Variants in OPRK1 observed in about 807,000 individuals in gnomAD.
The protein encoded by OPRK1 is kappa-type opioid receptor.
Under a neutral mutation model 24.5 loss-of-function variants are expected in OPRK1, and 15 were observed. The ratio of observed to expected loss-of-function variants is 0.61; its 90% CI spans 0.41 to 0.94. The LOEUF (loss-of-function observed/expected upper bound fraction) is 0.94. Among genes scored for constraint, OPRK1 ranks in the 40% least tolerant of loss-of-function variants. OPRK1 has a pLI of 0.00. For missense variants in OPRK1, 479 were observed against 507.3 expected (o/e 0.94, Z 0.54); for synonymous variants, 205 against 198.0 (o/e 1.04, Z -0.30).
chr8:53,250,845 C>G lies in OPRK1; in HGVS notation c.193G>C (p.Val65Leu). Residue 65 changes from valine to leucine, a missense_variant, in exon 2 of 4, where the codon GTC becomes CTC. Transcript: ENST00000265572. ...CCCACGACGAACACTACGGAGTAGA[C>G]CGCCGTGATGATGACCGGGATGGCC... ...SPAIPVIITA[V>L]YSVVFVVGLV... 1 of 1,613,526 alleles carries G rather than the reference C, an allele frequency of 6.2e-7. No individual in the cohort carries two copies. Among genetic ancestry groups the G allele is most frequent in the Non-Finnish European group, 8.5e-7 (1 of 1,179,744 alleles).
At chr8:53,243,484 C>A (rs1265652224) in intron 2 of OPRK1, among the ~76,000 whole-genome samples, 2 of 152,338 alleles carry the variant, frequency 1.3e-5, no homozygotes, top group East Asian at 3.9e-4. Flanking sequence ...TTTAGGACCT[C>A]TATACCTGAT....
chr8:53,246,790 T>C (rs893216332), intron 2 of OPRK1, among the ~76,000 whole-genome samples: 8 of 151,976 alleles, frequency 5.3e-5, no homozygotes, highest in African/African-American at 1.9e-4. Context: ...GAAGAGAATA[T>C]GATAAAGAGA....
chr8:53,249,638 G>A lies in OPRK1; in HGVS notation c.257+1143C>T, dbSNP rs559543505. Among the ~76,000 whole-genome samples, 790 of 152,162 alleles carry A rather than the reference G, an allele frequency of 5.2e-3. 7 individuals carry two copies. The highest frequency in any genetic ancestry group is 0.018 in the African/African-American group (730 of 41,522). ...AGACCTGACATTCTCAAGCAAAAAA[G>A]TAAAAATAAAAATAAAGCAGTATTT... On this transcript the variant is annotated intron_variant, in intron 2 of 3. Coordinates refer to ENST00000265572, the MANE Select transcript of OPRK1 (RefSeq NM_000912.5).
intron 3 of OPRK1, among the ~76,000 whole-genome samples, chr8:53,232,855 AAAGT>A (rs1378350180): frequency 7.2e-5 from 11 of 152,230 alleles, no homozygotes; most frequent in Non-Finnish European, 1.5e-5. Context: ...CTACTATAAA[AAAGT>A]AAGAGCAGAC....
At chr8:53,250,297 C>T (rs1807342319) in intron 2 of OPRK1, among the ~76,000 whole-genome samples, 1 of 152,194 alleles carries the variant, frequency 6.6e-6, no homozygotes, top group African/African-American at 2.4e-5. Flanking sequence ...TAAGCCAAAA[C>T]ACCAGTCTGA....
chr8:53,241,038 T>C (rs1807103569), intron 2 of OPRK1, among the ~76,000 whole-genome samples: 1 of 142,544 alleles, frequency 7.0e-6, no homozygotes, highest in Admixed American at 6.7e-5. Flanking sequence ...GTATGGCCTC[T>C]GGGTTATGAT....
At chr8:53,236,437 T>C (rs1407498908) in intron 2 of OPRK1, among the ~76,000 whole-genome samples, 1 of 152,184 alleles carries the variant, frequency 6.6e-6, no homozygotes, top group Non-Finnish European at 1.5e-5. Flanking sequence ...TGGGAAGGCA[T>C]TGTGAAGACG....
chr8:53,250,700 C>T, intron 2 of OPRK1, 81 bp downstream of exon 2: 1 of 1,435,836 alleles, frequency 7.0e-7, no homozygotes. Context: ...CTGGCTGCCC[C>T]CACTGCTGCT....
At chr8:53,246,342 A>C (rs1168151882) in intron 2 of OPRK1, among the ~76,000 whole-genome samples, 1 of 152,202 alleles carries the variant, frequency 6.6e-6, no homozygotes, top group Non-Finnish European at 1.5e-5. Context: ...TCAAATGCTC[A>C]GGGCAGAGGA....
chr8:53,234,200 A>AAAAAAAAAAAAAAAAAAAAAAAAC (rs1806930396), intron 3 of OPRK1, among the ~76,000 whole-genome samples: 1 of 151,264 alleles, frequency 6.6e-6, no homozygotes, highest in African/African-American at 2.4e-5. Flanking sequence ...AAAAAAAAAA[A>AAAAAAAAAAAAAAAAAAAAAAAAC]AAATCAGTTG....
intron 3 of OPRK1, among the ~76,000 whole-genome samples, chr8:53,233,859 T>A (rs1054465920): frequency 6.6e-6 from 1 of 151,964 alleles, no homozygotes; most frequent in Admixed American, 6.6e-5. Flanking sequence ...GTGATTCCAA[T>A]GTGCAGCCCA....
At chr8:53,241,595 A>G (rs1201406352) in intron 2 of OPRK1, among the ~76,000 whole-genome samples, 1 of 152,128 alleles carries the variant, frequency 6.6e-6, no homozygotes, top group Non-Finnish European at 1.5e-5. Flanking sequence ...AGGAAAATGG[A>G]AAGGAAAGAT....
At chr8:53,231,359 T>C (rs1404186605) in intron 3 of OPRK1, among the ~76,000 whole-genome samples, 2 of 152,202 alleles carry the variant, frequency 1.3e-5, no homozygotes, top group African/African-American at 4.8e-5. Flanking sequence ...TTGAATCTGG[T>C]AGAAGAGTTT....
intron 2 of OPRK1, among the ~76,000 whole-genome samples, chr8:53,238,065 C>T (rs1335875844): frequency 1.3e-5 from 2 of 152,220 alleles, no homozygotes; most frequent in Non-Finnish European, 2.9e-5. Flanking sequence ...GCGTACTACA[C>T]TGGACTACTC....
At position 53,242,570 on chromosome 8, in the gene OPRK1, G is replaced by A. The variant is rs1223320364; in HGVS notation, c.258-7459C>T. 4.6e-5 allele frequency: 8 copies of A among 172,140 alleles called. No homozygotes were observed. In the South Asian group the frequency reaches 6.7e-4, roughly 14 times the overall value. The allele number at this position is 172,140 out of a possible 1,614,324, so 10.7% of individuals were successfully genotyped here. A position where few individuals can be genotyped will look rare whatever the true frequency, so the allele number is the denominator to read the frequency against. ...CGCCCAGGCTGGAGTGCAGTGGCGC[G>A]ATCTCGGCTCACTGCAAGCTCCGCC... On this transcript the variant is annotated intron_variant, in intron 2 of 3. Coordinates refer to ENST00000265572, the MANE Select transcript of OPRK1 (RefSeq NM_000912.5).
At position 53,234,182 on chromosome 8, in the gene OPRK1, C is replaced by CAAAAAAAAAAAAAAAA. The variant is rs546459906; in HGVS notation, c.610+561_610+576dup. On this transcript the variant is annotated intron_variant, in intron 3 of 3. Coordinates refer to ENST00000265572, the MANE Select transcript of OPRK1 (RefSeq NM_000912.5). ...CTGGCAACAGAGCAAGACTCTCTCT[C>CAAAAAAAAAAAAAAAA]AAAAAAAAAAAAAAAAAAAAATCAG... 2.9e-3 allele frequency among the ~76,000 whole-genome samples: 189 copies of CAAAAAAAAAAAAAAAA among 65,322 alleles called. 23 individuals are homozygous for CAAAAAAAAAAAAAAAA. Among genetic ancestry groups the CAAAAAAAAAAAAAAAA allele is most frequent in the African/African-American group, 8.2e-3 (102 of 12,454 alleles). 42.9% of individuals were successfully genotyped at this position (65,322 alleles called of 152,430 possible).
rs989796905 is a variant in OPRK1 at position 53,228,655 on chromosome 8, C to T, written c.*642G>A. The T allele has an allele frequency of 6.6e-6, 1 of 152,120 alleles. No homozygotes were observed. The highest frequency in any genetic ancestry group is 1.5e-5 in the Non-Finnish European group (1 of 68,036). 9.4% of individuals were successfully genotyped at this position (152,120 alleles called of 1,614,324 possible). On this transcript the variant is annotated 3_prime_UTR_variant, in exon 4 of 4. Transcript: ENST00000265572. ...AACTGTAGTTTTTGGGAAATTAAAC[C>T]ATGTTAAAAACAATCTTTTGAACGT...
Position 53,234,823 on chromosome 8 carries a change from G to C in OPRK1, c.546C>G (p.Ile182Met). The change falls in exon 3 of 4, where the codon ATC (isoleucine) becomes ATG (methionine). Residue 182 changes from isoleucine to methionine, a missense_variant. Coordinates refer to ENST00000265572, the MANE Select transcript of OPRK1 (RefSeq NM_000912.5). ...TGCCAACAGATGACGACAGCAGCCA[G>C]ATGCAGATATTGATGATCTTTGCCT... ...PLKAKIINIC[I>M]WLLSSSVGIS... The C allele has an allele frequency of 6.2e-7, 1 of 1,614,216 alleles. No homozygotes were observed. The highest frequency in any genetic ancestry group is 8.5e-7 in the Non-Finnish European group (1 of 1,180,050).
rs1292014209 is a variant in OPRK1, at chr8:53,227,841, A to AT, written c.*1455dup. On this transcript the variant is annotated 3_prime_UTR_variant, in exon 4 of 4. Transcript: ENST00000265572. ...GTAGTTACATAGGGCTATATATTCA[A>AT]TTTTTCTATTAAATTCCAGAGGATG... 6.6e-6 allele frequency: 1 copy of AT among 151,870 alleles called. No individual in the cohort carries two copies. The highest frequency in any genetic ancestry group is 2.4e-5 in the African/African-American group (1 of 41,362). The allele number at this position is 151,870 out of a possible 1,614,324, so 9.4% of individuals were successfully genotyped here.
Sources: gnomAD v4.1 joint callset for allele counts (sites outside exome capture counted in the v4.1 genomes callset) on GRCh38, gnomAD v4.1.1 for gene constraint, MANE v1.5 for transcripts, NCBI Gene and HGNC (gene_info 2026-07-23, HGNC 2026-07-21) for gene names.